CCDC171: variants seen among roughly 807,000 people sequenced by gnomAD.
CCDC171 encodes the protein coiled-coil domain-containing protein 171.
CCDC171 carries 177 observed loss-of-function variants against 168.2 expected under a neutral mutation model. The ratio of observed to expected loss-of-function variants is 1.05; its 90% CI spans 0.93 to 1.19. The LOEUF (loss-of-function observed/expected upper bound fraction) is 1.19. CCDC171 is among the 50% of genes most tolerant of loss of function. The probability of loss-of-function intolerance (pLI) is 0.00; values close to 1 mark genes in which losing one functional copy is unlikely to be tolerated. For synonymous variants in CCDC171, 687 were observed against 540.8 expected (o/e 1.27, Z -3.75); for missense variants, 1,991 against 1,539.0 (o/e 1.29, Z -4.91).
downstream of CCDC171, among the ~76,000 whole-genome samples, chr9:15,977,281 G>T (rs1831652509): frequency 6.6e-6 from 1 of 152,112 alleles, no homozygotes; most frequent in Admixed American, 6.5e-5. Flanking sequence ...AGAATCTAAA[G>T]GTCTCCCTAA....
At chr9:15,708,518 G>A (rs1325535245) in intron 11 of CCDC171, among the ~76,000 whole-genome samples, 1 of 152,172 alleles carries the variant, frequency 6.6e-6, no homozygotes, top group Non-Finnish European at 1.5e-5. Flanking sequence ...CTGTGTAGGT[G>A]CTGCTTTCTG....
chr9:15,757,517 G>T (rs1477341787), intron 18 of CCDC171, among the ~76,000 whole-genome samples: 1 of 152,208 alleles, frequency 6.6e-6, no homozygotes, highest in Non-Finnish European at 1.5e-5. Flanking sequence ...AAAGTTCAGA[G>T]AATGTGCAGC....
At chr9:16,024,316 C>T (rs1421164599) in intron 6 of CCDC171, among the ~76,000 whole-genome samples, 1 of 152,086 alleles carries the variant, frequency 6.6e-6, no homozygotes, top group Non-Finnish European at 1.5e-5. Flanking sequence ...CCTATCCTAC[C>T]TCAAACTGGA....
chr9:15,693,326 G>C (rs1451895134), intron 10 of CCDC171, among the ~76,000 whole-genome samples: 3 of 152,078 alleles, frequency 2.0e-5, no homozygotes, highest in Non-Finnish European at 4.4e-5. Flanking sequence ...TGTTTTCATT[G>C]ATGAAGGGCA....
At chr9:15,800,618 G>A (rs914231578) in intron 21 of CCDC171, among the ~76,000 whole-genome samples, 2 of 151,994 alleles carry the variant, frequency 1.3e-5, no homozygotes, top group Non-Finnish European at 2.9e-5. Context: ...TTAACTTGAT[G>A]TGGTCCCATT....
chr9:15,951,689 C>G (rs1286864657), intron 25 of CCDC171, among the ~76,000 whole-genome samples: 3 of 151,852 alleles, frequency 2.0e-5, no homozygotes. Flanking sequence ...TGATTTAAGT[C>G]CTTTGCCCAT....
At chr9:15,600,114 T>C (rs1461287603) in intron 6 of CCDC171, among the ~76,000 whole-genome samples, 1 of 152,148 alleles carries the variant, frequency 6.6e-6, no homozygotes, top group African/African-American at 2.4e-5. Flanking sequence ...GTAGTTTGAT[T>C]GTCTGAAGCC....
intron 7 of CCDC171, among the ~76,000 whole-genome samples, chr9:15,635,179 G>T (rs530531527): frequency 9.2e-5 from 14 of 152,284 alleles, no homozygotes; most frequent in African/African-American, 3.1e-4. Flanking sequence ...TAGGCCATCT[G>T]CAAGCTGAGG....
At chr9:15,748,563 C>A (rs556265138) in intron 18 of CCDC171, among the ~76,000 whole-genome samples, 3 of 152,242 alleles carry the variant, frequency 2.0e-5, no homozygotes, top group South Asian at 4.2e-4. Context: ...ATGTTAAGGA[C>A]AGCCAGAGAG....
Position 15,818,572 on chromosome 9 carries a change from G to T in CCDC171, c.3268-28130G>T, listed in dbSNP as rs181825012. 9.3e-5 allele frequency among the ~76,000 whole-genome samples: 11 copies of T among 118,212 alleles called. 2 individuals are homozygous for T. The highest frequency in any genetic ancestry group is 8.0e-4 in the Admixed American group (10 of 12,484). The allele number at this position is 118,212 out of a possible 152,430, so 77.6% of individuals were successfully genotyped here. On this transcript the variant is annotated intron_variant, in intron 21 of 25. Transcript: ENST00000380701. ...ATGCACAAGCCTCAGTAGCTGATTC[G>T]ATCAACTAGAAGAAAGTATCAGCGA...
chr9:16,008,535 C>A (rs1832771613), intron 3 of CCDC171, among the ~76,000 whole-genome samples: 1 of 152,116 alleles, frequency 6.6e-6, no homozygotes, highest in African/African-American at 2.4e-5. Flanking sequence ...CTGAGAGTCC[C>A]CTGGAAATGC....
chr9:15,834,597 C>A (rs1359747694), intron 21 of CCDC171, among the ~76,000 whole-genome samples: 1 of 152,134 alleles, frequency 6.6e-6, no homozygotes, highest in South Asian at 2.1e-4. Context: ...CTTTATAATG[C>A]TTTGATCTTA....
chr9:16,010,943 G>A (rs992265087), intron 3 of CCDC171, among the ~76,000 whole-genome samples: 5 of 152,080 alleles, frequency 3.3e-5, no homozygotes, highest in African/African-American at 4.8e-5. Context: ...AGCCTGATTC[G>A]CTCCTGAGTA....
intron 11 of CCDC171, among the ~76,000 whole-genome samples, chr9:15,713,764 C>G (rs528406774): frequency 6.6e-6 from 1 of 152,050 alleles, no homozygotes; most frequent in African/African-American, 2.4e-5. Flanking sequence ...TTGCTACTTT[C>G]TGTTCATCAG....
the CCDC171 span, among the ~76,000 whole-genome samples, chr9:16,071,539 T>C: frequency 6.6e-6 from 1 of 152,220 alleles, no homozygotes; most frequent in Admixed American, 6.5e-5. Flanking sequence ...TTCTTGCCTG[T>C]CCCCAGTGCC....
At chr9:15,629,688 T>C (rs138614843) in intron 7 of CCDC171, among the ~76,000 whole-genome samples, 1,736 of 152,210 alleles carry the variant, frequency 0.011, 50 homozygotes, top group African/African-American at 0.039. Context: ...GCCACAAAGA[T>C]GCCCCTCAAG....
At chr9:16,075,989 T>C in the CCDC171 span, among the ~76,000 whole-genome samples, 1 of 152,230 alleles carries the variant, frequency 6.6e-6, no homozygotes, top group African/African-American at 2.4e-5. Flanking sequence ...ACATAAAATG[T>C]ACTCCTTATT....
chr9:15,600,857 C>T (rs373145806), intron 6 of CCDC171, among the ~76,000 whole-genome samples: 101 of 152,322 alleles, frequency 6.6e-4, no homozygotes, highest in African/African-American at 2.2e-3. Context: ...CCCCCAGCCT[C>T]GCTGCCACCT....
At chr9:15,673,351 C>T (rs934140736) in intron 9 of CCDC171, among the ~76,000 whole-genome samples, 1 of 152,166 alleles carries the variant, frequency 6.6e-6, no homozygotes, top group Admixed American at 6.5e-5. Context: ...ATTTCTTTCT[C>T]TTGCGTGATT....
Sources: gnomAD v4.1 joint callset for allele counts (sites outside exome capture counted in the v4.1 genomes callset) on GRCh38, gnomAD v4.1.1 for gene constraint, MANE v1.5 for transcripts, NCBI Gene and HGNC (gene_info 2026-07-23, HGNC 2026-07-21) for gene names.